The following EDNRB variants were observed in gnomAD, a reference collection of about 807,000 sequenced individuals.
The protein encoded by EDNRB is endothelin receptor type B.
Under a neutral mutation model 46.4 loss-of-function variants are expected in EDNRB, and 18 were observed. The ratio of observed to expected loss-of-function variants is 0.39; its 90% confidence interval spans 0.27 to 0.57. The LOEUF is 0.57. Ranked by LOEUF, EDNRB falls within the 20% of genes least tolerant of loss-of-function variation. The pLI is 0.61. For synonymous variants in EDNRB, 213 were observed against 204.9 expected (o/e 1.04, Z -0.34); for missense variants, 434 against 537.5 (o/e 0.81, Z 1.90).
chr13:77,897,384 A>G lies in EDNRB; in HGVS notation c.*816T>C, dbSNP rs199938917. On this transcript the variant is annotated 3_prime_UTR_variant, in exon 7 of 7. Coordinates refer to ENST00000646607, the MANE Select transcript of EDNRB (RefSeq NM_001122659.3). ...GGGTATGTGAATGACAGATTCAAAA[A>G]AGTCTTTTGGGATAGCCTTTCAAAC... The G allele has an allele frequency of 5.1e-6, 5 of 985,154 alleles. No individual in the cohort carries two copies. The African/African-American group carries it at 5.2e-5, about 10-fold the overall frequency. 61.0% of individuals were successfully genotyped at this position (985,154 alleles called of 1,614,324 possible). A position where few individuals can be genotyped will look rare whatever the true frequency, so the allele number is the denominator to read the frequency against.
chr13:77,963,256 T>C (rs556663037), intron 1 of EDNRB, among the ~76,000 whole-genome samples: 27 of 152,256 alleles, frequency 1.8e-4, no homozygotes, highest in African/African-American at 6.5e-4. Flanking sequence ...CTTCACAGAA[T>C]TGGAAAAAAC....
At position 77,918,434 on chromosome 13, in the gene EDNRB, G is replaced by T. The variant is rs1316261633; in HGVS notation, c.140C>A (p.Thr47Lys). The change falls in exon 1 of 7, where the codon ACG becomes AAG. Residue 47 changes from threonine (T) to lysine (K), a missense_variant. Coordinates refer to ENST00000646607, the MANE Select transcript of EDNRB (RefSeq NM_001122659.3). The surrounding 1 kb of genome is among the most constrained non-coding windows in gnomAD (Gnocchi z 4.5). ...GGGCCATAAGGTCTTAGTGGGTGGC[G>T]TCATTATCTCTGCGGTTTGCAAAAG... is the stretch of plus-strand genomic sequence containing the variant. ...TPLLQTAEIMTPPTKTLWPKG... is the reference protein window; with the variant it reads ...TPLLQTAEIMKPPTKTLWPKG... 6.4e-7 allele frequency: 1 copy of T among 1,570,384 alleles called. No individual in the cohort carries two copies. Among genetic ancestry groups the T allele is most frequent in the Admixed American group, 1.9e-5 (1 of 53,614 alleles).
chr13:77,901,937 T>G (rs2137607946), intron 3 of EDNRB, among the ~76,000 whole-genome samples: 1 of 152,104 alleles, frequency 6.6e-6, no homozygotes, highest in African/African-American at 2.4e-5. Context: ...TCCTTATATA[T>G]TCAATAGAAA....
At chr13:77,935,865 A>AG (rs1880546024) in intron 1 of EDNRB, among the ~76,000 whole-genome samples, 3 of 152,204 alleles carry the variant, frequency 2.0e-5, no homozygotes, top group Non-Finnish European at 4.4e-5. Context: ...ATAGGAGAGT[A>AG]TATGGGTTTG....
At position 77,898,312 on chromosome 13, in the gene EDNRB, T is replaced by A; in HGVS notation, c.1217A>T (p.Gln406Leu). 2 of 1,612,164 alleles carry A rather than the reference T, an allele frequency of 1.2e-6. No homozygotes were observed. The highest frequency in any genetic ancestry group is 1.7e-6 in the Non-Finnish European group (2 of 1,178,796). The change falls in exon 7 of 7, where the codon CAG becomes CTG. Residue 406 changes from glutamine (Q) to leucine (L), a missense_variant. Physicochemically the swap from Gln to Leu is moderately radical, Grantham distance 113. Transcript: ENST00000646607. Reference sequence around the variant, plus strand: ...CAAGGACTGTTTTTCTTCAAATGACTGGCACCAGCAGCATAAGCATGACTG... The same window carrying A: ...CAAGGACTGTTTTTCTTCAAATGACAGGCACCAGCAGCATAAGCATGACTG... ...CFKSCLCCWC[Q>L]SFEEKQSLEE...
At position 77,901,049 on chromosome 13, in the gene EDNRB, T is replaced by G; in HGVS notation, c.951+9A>C. 1 of 1,609,448 alleles carries G rather than the reference T, an allele frequency of 6.2e-7. No homozygotes were observed. The highest frequency in any genetic ancestry group is 8.5e-7 in the Non-Finnish European group (1 of 1,177,996). On this transcript the variant is annotated intron_variant, in intron 4 of 6. Transcript: ENST00000646607. ...AACCACGAGTTATCAAATATTTGTATTTTCTTACCTGCTTTAGGTGATCAT... is the reference window on the plus strand; with the variant it reads ...AACCACGAGTTATCAAATATTTGTAGTTTCTTACCTGCTTTAGGTGATCAT...
intron 1 of EDNRB, among the ~76,000 whole-genome samples, chr13:77,906,481 T>A (rs978733452): frequency 6.6e-6 from 1 of 152,026 alleles, no homozygotes; most frequent in African/African-American, 2.4e-5. Context: ...AAAGTGATGA[T>A]GTGTGATGTC....
At chr13:77,938,862 G>T (rs552944570) in intron 1 of EDNRB, among the ~76,000 whole-genome samples, 1 of 152,344 alleles carries the variant, frequency 6.6e-6, no homozygotes, top group African/African-American at 2.4e-5. Flanking sequence ...TGTTCCTTGG[G>T]CTGGTGGTTC....
At chr13:77,958,893 T>C (rs181962415) in intron 1 of EDNRB, among the ~76,000 whole-genome samples, 4 of 152,278 alleles carry the variant, frequency 2.6e-5, no homozygotes, top group East Asian at 1.9e-4. Context: ...TCTGAGCACC[T>C]TGAGTGGAAT....
At chr13:77,949,624 C>T (rs780277854) in intron 1 of EDNRB, among the ~76,000 whole-genome samples, 27 of 152,018 alleles carry the variant, frequency 1.8e-4, no homozygotes, top group Non-Finnish European at 2.5e-4. Context: ...TATCTAAGTC[C>T]GCTTGGGGAT....
At chr13:77,919,057 C>A (rs1023054329), upstream of EDNRB, 7 of 527,344 alleles carry the variant, frequency 1.3e-5, no homozygotes, top group African/African-American at 7.8e-5. Flanking sequence ...CGCAGGGGAA[C>A]CTCTATACCC....
chr13:77,899,601 AT>A (rs930906379), intron 6 of EDNRB: 3 of 400,582 alleles, frequency 7.5e-6, no homozygotes, highest in African/African-American at 6.1e-5. Flanking sequence ...TGTAATTTTT[AT>A]TACTTTTTGG....
chr13:77,929,361 A>T (rs1189370807), intron 1 of EDNRB, among the ~76,000 whole-genome samples: 2 of 152,216 alleles, frequency 1.3e-5, no homozygotes, highest in African/African-American at 4.8e-5. Context: ...CTATCCATCT[A>T]TACATATGTG....
intron 1 of EDNRB, among the ~76,000 whole-genome samples, chr13:77,940,237 G>T (rs1880704133): frequency 6.6e-6 from 1 of 152,076 alleles, no homozygotes; most frequent in African/African-American, 2.4e-5. Flanking sequence ...CACTATAAGA[G>T]ATTCATTGGA....
At position 77,963,732 on chromosome 13, in the gene EDNRB, A is replaced by G. The variant is rs182696693; in HGVS notation, c.-52+11615T>C. ...TGGGCAAGGATTTCATGTCTAAAAC[A>G]CCAAAAGCAATGGCAACAAAAGCCA... On this transcript the variant is annotated intron_variant, in intron 1 of 7. Transcript: ENST00000646948. Among the ~76,000 whole-genome samples the G allele has an allele frequency of 4.4e-3, 665 of 152,336 alleles. 16 individuals carry two copies. Among genetic ancestry groups the G allele is most frequent in the Admixed American group, 0.037 (571 of 15,294 alleles).
At chr13:77,975,176 C>T (rs1257969652) in intron 1 of EDNRB, among the ~76,000 whole-genome samples, 2 of 152,182 alleles carry the variant, frequency 1.3e-5, no homozygotes, top group Non-Finnish European at 2.9e-5. Context: ...GGTGATCAGG[C>T]CATGCTTCCA....
At chr13:77,920,896 G>C (rs1300592298), upstream of EDNRB, among the ~76,000 whole-genome samples, 1 of 152,144 alleles carries the variant, frequency 6.6e-6, no homozygotes, top group Non-Finnish European at 1.5e-5. Flanking sequence ...TCCTATACAA[G>C]CTTTGTTGGG....
Position 77,918,335 on chromosome 13 carries a change from G to T in EDNRB, c.239C>A (p.Ser80Tyr). The T allele has an allele frequency of 6.2e-7, 1 of 1,613,900 alleles. No individual in the cohort carries two copies. Among genetic ancestry groups the T allele is most frequent in the Non-Finnish European group, 8.5e-7 (1 of 1,179,920 alleles). The change falls in exon 1 of 7, where the codon TCT (serine) becomes TAT (tyrosine). Residue 80 changes from serine to tyrosine, a missense_variant. Coordinates refer to ENST00000646607, the MANE Select transcript of EDNRB (RefSeq NM_001122659.3). This position sits in a 1 kb window ranked among gnomAD's most constrained non-coding sequence, Gnocchi z 4.5. ...EVPKGDRTAG[S>Y]PPRTISPPPC... ...GGGAGGGGAGATGGTGCGTGGCGGA[G>T]ATCCTGCCGTCCTGTCTCCTTTAGG...
At chr13:77,898,401 C>T (rs1878750754) in intron 6 of EDNRB, 67 bp from the exon 7 acceptor site, 2 of 1,601,898 alleles carry the variant, frequency 1.2e-6, no homozygotes, top group South Asian at 2.2e-5. Flanking sequence ...TCCTCCTCTC[C>T]AGGGTTCTGA....
Sources: gnomAD v4.1 joint callset for allele counts (sites outside exome capture counted in the v4.1 genomes callset) on GRCh38, gnomAD v4.1.1 for gene constraint, Gnocchi (gnomAD v3.1) non-coding constraint, MANE v1.5 for transcripts, NCBI Gene and HGNC (gene_info 2026-07-23, HGNC 2026-07-21) for gene names.